Variants in SIPA1L1 observed in about 807,000 individuals in gnomAD.
SIPA1L1 encodes the protein signal-induced proliferation-associated 1-like protein 1.
SIPA1L1 carries 26 observed loss-of-function variants against 162.7 expected under a neutral mutation model. The observed-to-expected ratio is 0.16, with a 90% CI of 0.12 to 0.22. The LOEUF (loss-of-function observed/expected upper bound fraction) is 0.22. Ranked by LOEUF, SIPA1L1 falls within the 10% of genes least tolerant of loss-of-function variation. The pLI is 1.00. For missense variants in SIPA1L1, 1,874 were observed against 2,241.0 expected, an observed-to-expected ratio of 0.84 and a Z score of 3.31; for synonymous variants, 829 against 837.4, an observed-to-expected ratio of 0.99 and a Z score of 0.17.
intron 4 of SIPA1L1, among the ~76,000 whole-genome samples, chr14:71,564,037 TTC>T (rs1426199314): frequency 6.6e-6 from 1 of 152,192 alleles, no homozygotes; most frequent in Non-Finnish European, 1.5e-5. Flanking sequence ...AGCCTCCACC[TTC>T]TGTCTCAAGG....
At chr14:71,649,790 G>C (rs561147985) in intron 7 of SIPA1L1, among the ~76,000 whole-genome samples, 1 of 152,038 alleles carries the variant, frequency 6.6e-6, no homozygotes, top group Non-Finnish European at 1.5e-5. Context: ...CTGTAACAAA[G>C]ATATAGGCAA....
intron 2 of SIPA1L1, among the ~76,000 whole-genome samples, chr14:71,421,188 TTGAA>T (rs1341324458): frequency 2.0e-5 from 3 of 152,214 alleles, no homozygotes; most frequent in African/African-American, 7.2e-5. Flanking sequence ...TACTTAACGA[TTGAA>T]TGAGGACATT....
intron 2 of SIPA1L1, among the ~76,000 whole-genome samples, chr14:71,484,653 T>C (rs1486472881): frequency 6.6e-6 from 1 of 152,210 alleles, no homozygotes; most frequent in Non-Finnish European, 1.5e-5. Flanking sequence ...AATCTGGACG[T>C]GATACTCATT....
intron 2 of SIPA1L1, among the ~76,000 whole-genome samples, chr14:71,359,653 C>T (rs1377558256): frequency 1.3e-5 from 2 of 152,110 alleles, no homozygotes; most frequent in Non-Finnish European, 2.9e-5. Flanking sequence ...CTCAGTCCTA[C>T]TGGTTGTTTT....
chr14:71,671,934 T>TGTGC (rs983401501), intron 11 of SIPA1L1, among the ~76,000 whole-genome samples: 2 of 151,212 alleles, frequency 1.3e-5, no homozygotes, highest in African/African-American at 4.9e-5. Flanking sequence ...TGTGTGTGTG[T>TGTGC]GTGTGTGTGC....
rs538016558 is a variant in SIPA1L1, at chr14:71,739,091, A to T, written c.5282A>T (p.Glu1761Val). The T allele has an allele frequency of 1.9e-6, 3 of 1,614,116 alleles. No individual in the cohort carries two copies. The East Asian group carries it at 6.7e-5, about 36-fold the overall frequency. Residue 1761 changes from glutamate to valine, a missense_variant, in exon 24 of 24, where the codon GAG (glutamate) becomes GTG (valine). By Grantham distance (121) the Glu-to-Val change is moderately radical (BLOSUM62 -2). Coordinates refer to ENST00000381232, the MANE Select transcript of SIPA1L1 (RefSeq NM_001386936.1). Reference sequence around the variant, plus strand: ...GAGGACAACCTGAGGCTACAGGAGGAGTCCCAGAACGCCTCGGACAAGCTG... The same window carrying T: ...GAGGACAACCTGAGGCTACAGGAGGTGTCCCAGAACGCCTCGGACAAGCTG... ...LREDNLRLQE[E>V]SQNASDKLKK...
chr14:71,544,408 T>C (rs978360393), intron 4 of SIPA1L1, among the ~76,000 whole-genome samples: 7 of 151,988 alleles, frequency 4.6e-5, no homozygotes, highest in African/African-American at 1.7e-4. Flanking sequence ...TGAATACTTT[T>C]CCTTGTCTGT....
intron 10 of SIPA1L1, among the ~76,000 whole-genome samples, chr14:71,666,256 A>G (rs1236039905): frequency 6.6e-6 from 1 of 152,242 alleles, no homozygotes; most frequent in East Asian, 1.9e-4. Context: ...AGACAGAGGA[A>G]CATGTTTGTA....
chr14:71,519,824 C>G (rs1325142427), intron 3 of SIPA1L1, among the ~76,000 whole-genome samples: 2 of 151,682 alleles, frequency 1.3e-5, no homozygotes, highest in Non-Finnish European at 1.5e-5. Flanking sequence ...GACCTAGTCT[C>G]TTATGGAAAA....
At chr14:71,320,731 T>C (rs1353162280) in intron 1 of SIPA1L1, among the ~76,000 whole-genome samples, 6 of 104,644 alleles carry the variant, frequency 5.7e-5, no homozygotes, top group African/African-American at 1.8e-4. Context: ...CGCGCCCACC[T>C]TGGACCTTCG....
intron 2 of SIPA1L1, among the ~76,000 whole-genome samples, chr14:71,440,087 G>A (rs942068458): frequency 7.2e-5 from 11 of 152,072 alleles, no homozygotes; most frequent in Non-Finnish European, 1.0e-4. Flanking sequence ...CTGGAGTGGC[G>A]CCATCTCAGC....
intron 22 of SIPA1L1, 34 bp from the exon 23 acceptor site, chr14:71,738,207 C>T (rs371069377): frequency 1.1e-4 from 140 of 1,316,206 alleles, no homozygotes; most frequent in Non-Finnish European, 1.4e-4. Flanking sequence ...CATGGAGGCC[C>T]CTGCCAACAT....
At chr14:71,393,465 T>C (rs1018787863) in intron 2 of SIPA1L1, among the ~76,000 whole-genome samples, 1 of 152,026 alleles carries the variant, frequency 6.6e-6, no homozygotes, top group South Asian at 2.1e-4. Flanking sequence ...CCAAAGCCGA[T>C]TTGTAAAGTC....
chr14:71,640,901 A>C (rs1427605483), intron 7 of SIPA1L1, among the ~76,000 whole-genome samples: 1 of 152,258 alleles, frequency 6.6e-6, no homozygotes, highest in Non-Finnish European at 1.5e-5. Context: ...CTGGGATTAC[A>C]GGCATGAGCC....
At chr14:71,710,546 G>A (rs773278702) in intron 17 of SIPA1L1, among the ~76,000 whole-genome samples, 30 of 152,088 alleles carry the variant, frequency 2.0e-4, no homozygotes, top group Non-Finnish European at 5.9e-5. Context: ...GGTGGCTCAC[G>A]CCTGTAATCC....
intron 2 of SIPA1L1, among the ~76,000 whole-genome samples, chr14:71,374,177 C>G (rs1452729693): frequency 6.6e-6 from 1 of 152,064 alleles, no homozygotes; most frequent in Admixed American, 6.5e-5. Context: ...GTATTTTTGA[C>G]AAAATTTTTT....
intron 5 of SIPA1L1, among the ~76,000 whole-genome samples, chr14:71,592,573 G>C (rs1030054758): frequency 1.3e-5 from 2 of 152,048 alleles, no homozygotes; most frequent in African/African-American, 2.4e-5. Context: ...GCTTATCACC[G>C]GGTAGTTTCC....
At chr14:71,596,519 A>C (rs1327544401) in intron 5 of SIPA1L1, among the ~76,000 whole-genome samples, 1 of 152,118 alleles carries the variant, frequency 6.6e-6, no homozygotes, top group Non-Finnish European at 1.5e-5. Context: ...GAGTACCTTC[A>C]TTTTTTTTAA....
chr14:71,575,964 A>G (rs2147141873), intron 4 of SIPA1L1, among the ~76,000 whole-genome samples: 1 of 152,376 alleles, frequency 6.6e-6, no homozygotes, highest in African/African-American at 2.4e-5. Flanking sequence ...TATGTGTGAA[A>G]TAACCATGAT....
Sources: gnomAD v4.1 joint callset for allele counts (sites outside exome capture counted in the v4.1 genomes callset) on GRCh38, gnomAD v4.1.1 for gene constraint, MANE v1.5 for transcripts, NCBI Gene and HGNC (gene_info 2026-07-23, HGNC 2026-07-21) for gene names.